RAD54B: variants seen among roughly 807,000 people sequenced by gnomAD.
RAD54B encodes the protein RAD54 homolog B, also known as DNA repair and recombination protein RAD54B.
A neutral mutation model predicts 95.8 loss-of-function variants in RAD54B; 78 were observed. The ratio of observed to expected loss-of-function variants is 0.81; its 90% confidence interval spans 0.68 to 0.98. The LOEUF (loss-of-function observed/expected upper bound fraction) is 0.98, where lower values mean the gene tolerates loss of function less well. RAD54B is among the 50% of genes least tolerant of loss of function. The pLI is 0.00. For synonymous variants in RAD54B, 328 were observed against 354.9 expected (o/e 0.92, Z 0.85); for missense variants, 957 against 1,056.6 (o/e 0.91, Z 1.31).
intron 2 of RAD54B, among the ~76,000 whole-genome samples, chr8:94,466,817 T>C (rs996979742): frequency 6.6e-6 from 1 of 152,370 alleles, no homozygotes; most frequent in Non-Finnish European, 1.5e-5. Context: ...CACTTATTTA[T>C]GTGGTAACTT....
At chr8:94,472,202 AG>A (rs1164552200) in intron 1 of RAD54B, among the ~76,000 whole-genome samples, 1 of 152,220 alleles carries the variant, frequency 6.6e-6, no homozygotes, top group Non-Finnish European at 1.5e-5. Context: ...CTTTAGAAGC[AG>A]TATTTACCAA....
chr8:94,461,160 C>CTTT (rs57563259), intron 2 of RAD54B, among the ~76,000 whole-genome samples: 47 of 59,982 alleles, frequency 7.8e-4, no homozygotes, highest in Non-Finnish European at 1.0e-3. Flanking sequence ...AAATACTCAT[C>CTTT]TTTTTTTTTT....
At chr8:94,430,934 T>C in intron 3 of RAD54B, 1 of 985,376 alleles carries the variant, frequency 1.0e-6, no homozygotes, top group Non-Finnish European at 1.2e-6. Context: ...TTTGTGCTTA[T>C]ATACTCAATC....
chr8:94,429,067 A>G (rs1812017109), intron 3 of RAD54B: 1 of 985,274 alleles, frequency 1.0e-6, no homozygotes, highest in African/African-American at 1.7e-5. Flanking sequence ...AAAGTAAACA[A>G]GACTGACTTG....
At chr8:94,392,007 A>T in intron 9 of RAD54B, 108 bp from the exon 10 acceptor site, 1 of 1,059,516 alleles carries the variant, frequency 9.4e-7, no homozygotes, top group Admixed American at 2.5e-5. Context: ...GCTTCCCAAC[A>T]AATTTTAAAA....
intron 3 of RAD54B, among the ~76,000 whole-genome samples, chr8:94,444,006 T>C (rs1010917878): frequency 3.9e-5 from 6 of 152,118 alleles, no homozygotes; most frequent in African/African-American, 1.4e-4. Flanking sequence ...GAGTCTTCAT[T>C]TACTTATGAA....
chr8:94,467,917 T>C (rs1370884743), intron 1 of RAD54B: 1 of 163,368 alleles, frequency 6.1e-6, no homozygotes, highest in Non-Finnish European at 1.3e-5. Flanking sequence ...TGGAAAATAC[T>C]GTCTACTGGC....
intron 3 of RAD54B, among the ~76,000 whole-genome samples, chr8:94,416,239 C>G (rs1402396035): frequency 6.6e-6 from 1 of 151,260 alleles, no homozygotes; most frequent in African/African-American, 2.4e-5. Flanking sequence ...AATTGGAAAT[C>G]ATCATTCTCA....
chr8:94,410,965 G>A (rs899728824), intron 4 of RAD54B, among the ~76,000 whole-genome samples, 156 bp downstream of exon 4: 4 of 152,020 alleles, frequency 2.6e-5, no homozygotes, highest in Non-Finnish European at 5.9e-5. Flanking sequence ...TAACCATTAT[G>A]AGATTATTTT....
At chr8:94,470,431 A>G (rs1466734749) in intron 1 of RAD54B, among the ~76,000 whole-genome samples, 2 of 152,214 alleles carry the variant, frequency 1.3e-5, no homozygotes, top group African/African-American at 4.8e-5. Context: ...CCCTGTGTCT[A>G]TTAAAAATAC....
intron 2 of RAD54B, among the ~76,000 whole-genome samples, chr8:94,463,744 TAAAATTTAAAAATCTCTAAA>T (rs1254248257): frequency 6.6e-6 from 1 of 151,720 alleles, no homozygotes; most frequent in East Asian, 1.9e-4. Flanking sequence ...CTATAAAATT[TAAAATTTAAAAATCTCTAAA>T]AAAATTTAAA....
chr8:94,391,251 G>A (rs1811010205), intron 10 of RAD54B, among the ~76,000 whole-genome samples: 1 of 151,298 alleles, frequency 6.6e-6, no homozygotes, highest in Non-Finnish European at 1.5e-5. Flanking sequence ...ATTTTTAATG[G>A]CACATTTTGT....
chr8:94,440,210 A>AG (rs1419485993), intron 3 of RAD54B, among the ~76,000 whole-genome samples: 1 of 151,998 alleles, frequency 6.6e-6, no homozygotes, highest in Non-Finnish European at 1.5e-5. Flanking sequence ...TTAAAAAAAA[A>AG]AAAATCAGAG....
Position 94,411,708 on chromosome 8 carries a change from C to T in RAD54B, c.305-393G>A, listed in dbSNP as rs1162465738. Among the ~76,000 whole-genome samples the T allele has an allele frequency of 7.9e-5, 12 of 151,872 alleles. No homozygotes were observed. The East Asian group carries it at 2.3e-3, about 29-fold the overall frequency. On this transcript the variant is annotated intron_variant, in intron 3 of 14. Transcript: ENST00000336148. The stretch of plus-strand genomic sequence containing the variant: ...AGTAACATGACAAGCTGAGGAAAGG[C>T]AAAGATTACAGAGTTCTCTGAAAGT...
chr8:94,444,957 T>C (rs1179177490), intron 3 of RAD54B, among the ~76,000 whole-genome samples: 2 of 152,208 alleles, frequency 1.3e-5, no homozygotes, highest in Admixed American at 6.5e-5. Context: ...CTAATTTTGA[T>C]AACTGTCAGC....
rs1253035201 is a variant in RAD54B at position 94,391,821 on chromosome 8, C to A, written c.1597G>T (p.Glu533Ter). The A allele has an allele frequency of 1.2e-6, 2 of 1,613,800 alleles. No individual in the cohort carries two copies. The highest frequency in any genetic ancestry group is 2.2e-5 in the East Asian group (1 of 44,868). Residue 533 changes from glutamate to a stop codon, truncating the protein, a stop_gained, in exon 10 of 15, where the codon GAA (glutamate) becomes TAA (stop). Coordinates refer to ENST00000336148, the MANE Select transcript of RAD54B (RefSeq NM_012415.3). LOFTEE classifies it high-confidence loss of function. ...GGTGGGAGATATTTATTTATAATTTCTTGGGTTCTTCTAAGGATAAAGAGT... is the reference window on the plus strand; with the variant it reads ...GGTGGGAGATATTTATTTATAATTTATTGGGTTCTTCTAAGGATAAAGAGT... ...TGLFILRRTQ[E>*]IINKYLPPKI...
At chr8:94,375,301 T>C (rs1810541704) in intron 14 of RAD54B, among the ~76,000 whole-genome samples, 1 of 152,216 alleles carries the variant, frequency 6.6e-6, no homozygotes, top group Non-Finnish European at 1.5e-5. Context: ...AATCTCATCT[T>C]GCAGCTCCCA....
At chr8:94,434,952 G>A (rs1362549650) in intron 3 of RAD54B, among the ~76,000 whole-genome samples, 1 of 151,332 alleles carries the variant, frequency 6.6e-6, no homozygotes, top group African/African-American at 2.4e-5. Flanking sequence ...CCAGATACTT[G>A]TATATTTATA....
chr8:94,391,785 T>G lies in RAD54B; in HGVS notation c.1633A>C (p.Asn545His). The change falls in exon 10 of 15, where the codon AAT becomes CAT. Residue 545 changes from asparagine to histidine, a missense_variant. Coordinates refer to ENST00000336148, the MANE Select transcript of RAD54B (RefSeq NM_012415.3). ...GCTCCTGGTCGGCAAAAGACAACAT[T>G]CTCTATTTTAGGTGGGAGATATTTA... ...INKYLPPKIE[N>H]VVFCRPGALQ... The G allele has an allele frequency of 6.2e-7, 1 of 1,614,072 alleles. No individual in the cohort carries two copies. Among genetic ancestry groups the G allele is most frequent in the Non-Finnish European group, 8.5e-7 (1 of 1,180,002 alleles).
Sources: allele counts gnomAD v4.1 joint callset (sites outside exome capture counted in the v4.1 genomes callset), GRCh38; gene constraint gnomAD v4.1.1; transcripts MANE v1.5; gene names NCBI Gene and HGNC (gene_info 2026-07-23, HGNC 2026-07-21).